GEMIN8: variants seen among roughly 807,000 people sequenced by gnomAD.
GEMIN8 encodes gem nuclear organelle associated protein 8.
For synonymous variants in GEMIN8, 80 were observed against 78.5 expected (o/e 1.02, Z -0.10); for missense variants, 185 against 205.9 (o/e 0.90, Z 0.62).
Position 14,017,078 on chromosome X carries a change from C to G in GEMIN8, c.472+3000G>C, listed in dbSNP as rs763370203. Among the ~76,000 whole-genome samples the G allele has an allele frequency of 4.8e-3, 524 of 108,891 alleles. 5 individuals are homozygous for G. Among genetic ancestry groups the G allele is most frequent in the Admixed American group, 7.0e-3 (70 of 9,997 alleles). 94.6% of individuals were successfully genotyped at this position (108,891 alleles called of 115,157 possible). Reference sequence around the variant, plus strand: ...CTCATATTATCTCATGGATTCTTCACAATTACTACCCATTAGGGATTCTTC... The same window carrying G: ...CTCATATTATCTCATGGATTCTTCAGAATTACTACCCATTAGGGATTCTTC... On this transcript the variant is annotated intron_variant, in intron 4 of 4. Transcript: ENST00000680255.
chrX:14,021,333 C>T (rs1924298459), intron 3 of GEMIN8, 131 bp downstream of exon 3: 1 of 405,585 alleles, frequency 2.5e-6, no homozygotes, highest in African/African-American at 2.7e-5. Context: ...CAACATGGCA[C>T]ATGTATACAT....
In GEMIN8 at chrX:14,014,382, A is replaced by T. The variant is rs1360584051; in HGVS notation, c.473-5213T>A. 9 of 750,871 alleles carry T rather than the reference A, an allele frequency of 1.2e-5. No homozygotes were observed. In the East Asian group the frequency reaches 1.2e-3, roughly 102 times the overall value. 61.9% of individuals were successfully genotyped at this position (750,871 alleles called of 1,213,427 possible). On this transcript the variant is annotated intron_variant, in intron 4 of 4. Transcript: ENST00000680255. ...CAGACTGGTCTTCTCTCTTCGTCGC[A>T]CATCCCTTGCCCCATGACAAATGTA...
the GEMIN8 span, among the ~76,000 whole-genome samples, chrX:13,988,423 G>A: frequency 1.8e-5 from 2 of 109,751 alleles, no homozygotes; most frequent in Non-Finnish European, 3.8e-5. Flanking sequence ...GAGGTGAATC[G>A]TATTTTCACC....
the GEMIN8 span, among the ~76,000 whole-genome samples, chrX:13,998,748 T>C: frequency 9.0e-6 from 1 of 111,505 alleles, no homozygotes; most frequent in Admixed American, 9.6e-5. Flanking sequence ...GCCACTGCAC[T>C]TGGCTTCTTA....
chrX:14,009,708 A>C (rs1415217818), intron 4 of GEMIN8, among the ~76,000 whole-genome samples: 1 of 112,004 alleles, frequency 8.9e-6, no homozygotes, highest in Non-Finnish European at 1.9e-5. Context: ...CCAGCTAGGA[A>C]TGGCTGATAG....
chrX:14,021,996 T>C (rs1280884071), intron 2 of GEMIN8, among the ~76,000 whole-genome samples: 4 of 99,997 alleles, frequency 4.0e-5, no homozygotes, highest in African/African-American at 7.3e-5. Flanking sequence ...AATGTATATA[T>C]ACACATATAT....
Position 14,012,221 on chromosome X carries a change from G to A in GEMIN8, c.473-3052C>T, listed in dbSNP as rs902513656. Reference sequence around the variant, plus strand: ...CAACCTCTGCCTCCTGGGCTCAAGCGATCCTCCCACCTTGGTTTCCTGAGT... The same window carrying A: ...CAACCTCTGCCTCCTGGGCTCAAGCAATCCTCCCACCTTGGTTTCCTGAGT... On this transcript the variant is annotated intron_variant, in intron 4 of 4. Coordinates refer to ENST00000680255, the MANE Select transcript of GEMIN8 (RefSeq NM_001042479.2). Among the ~76,000 whole-genome samples the A allele has an allele frequency of 8.4e-5, 9 of 107,360 alleles. No homozygotes were observed. The South Asian group carries it at 2.9e-3, about 35-fold the overall frequency. 93.2% of individuals were successfully genotyped at this position (107,360 alleles called of 115,157 possible). A position where few individuals can be genotyped will look rare whatever the true frequency, so the allele number is the denominator to read the frequency against.
the GEMIN8 span, among the ~76,000 whole-genome samples, chrX:13,994,229 G>T: frequency 8.9e-6 from 1 of 111,896 alleles, no homozygotes; most frequent in African/African-American, 3.3e-5. Flanking sequence ...CTGGCAGACG[G>T]ATCTCCATTC....
At chrX:14,003,416 C>G (rs1557727), downstream of GEMIN8, among the ~76,000 whole-genome samples, 32,296 of 111,633 alleles carry the variant, frequency 0.29, 3,413 homozygotes, top group South Asian at 0.32. Context: ...TGCAAAATGA[C>G]AATAATATTC....
At chrX:14,021,775 T>C (rs1267506984) in intron 2 of GEMIN8, among the ~76,000 whole-genome samples, 1 of 99,190 alleles carries the variant, frequency 1.0e-5, no homozygotes, top group Non-Finnish European at 2.0e-5. Context: ...GTAAAGTCTA[T>C]GAAAATGACC....
intron 4 of GEMIN8, among the ~76,000 whole-genome samples, chrX:14,019,771 C>T (rs1448524093): frequency 1.1e-5 from 1 of 88,081 alleles, no homozygotes; most frequent in Non-Finnish European, 2.4e-5. Context: ...TAGATCAGAG[C>T]ACGCACACAC....
chrX:14,008,043 G>A lies in GEMIN8; in HGVS notation c.*870C>T, dbSNP rs1923265626. Among the ~76,000 whole-genome samples the A allele has an allele frequency of 9.1e-6, 1 of 110,311 alleles. No homozygotes were observed. The highest frequency in any genetic ancestry group is 1.9e-5 in the Non-Finnish European group (1 of 52,820). On this transcript the variant is annotated 3_prime_UTR_variant, in exon 5 of 5. Transcript: ENST00000680255. ...TCTCTAGGTTGGAGTGCAGTGGCGCGATCTCAGCTCACTGCAACCTCTGCC... is the reference window on the plus strand; with the variant it reads ...TCTCTAGGTTGGAGTGCAGTGGCGCAATCTCAGCTCACTGCAACCTCTGCC...
the GEMIN8 span, among the ~76,000 whole-genome samples, chrX:13,999,614 C>A: frequency 9.0e-6 from 1 of 111,451 alleles, no homozygotes; most frequent in Non-Finnish European, 1.9e-5. Flanking sequence ...CACTAATATC[C>A]TTTTTCTGCT....
the GEMIN8 span, among the ~76,000 whole-genome samples, chrX:13,995,809 A>G: frequency 3.6e-5 from 4 of 111,707 alleles, no homozygotes; most frequent in Admixed American, 3.8e-4. Flanking sequence ...TGCTCTCTCC[A>G]TGGCAAGCTC....
At chrX:14,019,809 T>C (rs962997727) in intron 4 of GEMIN8, among the ~76,000 whole-genome samples, 10 of 110,439 alleles carry the variant, frequency 9.1e-5, no homozygotes, top group African/African-American at 3.3e-4. Context: ...CACACTCCAT[T>C]TGGTAGAGTG....
chrX:13,989,245 A>G, the GEMIN8 span, among the ~76,000 whole-genome samples: 1 of 109,887 alleles, frequency 9.1e-6, no homozygotes, highest in Admixed American at 9.7e-5. Flanking sequence ...CATGCCACCA[A>G]CCCTGGCTAA....
chrX:14,017,126 G>T (rs753751276), intron 4 of GEMIN8, among the ~76,000 whole-genome samples: 2 of 109,134 alleles, frequency 1.8e-5, no homozygotes, highest in South Asian at 7.9e-4. Context: ...CACTAATTAG[G>T]ATCCTATTTC....
In GEMIN8 at chrX:14,012,836, G is replaced by A. The variant is rs188690736; in HGVS notation, c.473-3667C>T. 4.9e-3 allele frequency among the ~76,000 whole-genome samples: 508 copies of A among 104,005 alleles called. 3 individuals carry two copies. Among genetic ancestry groups the A allele is most frequent in the Admixed American group, 7.2e-3 (70 of 9,762 alleles). The allele number at this position is 104,005 out of a possible 115,157, so 90.3% of individuals were successfully genotyped here. A position where few individuals can be genotyped will look rare whatever the true frequency, so the allele number is the denominator to read the frequency against. ...CTCCCTTCCCTGTGGGTTCCTCAGAGCCTCCCAGGCAGAGGGGCTATGGGG... is the reference window on the plus strand; with the variant it reads ...CTCCCTTCCCTGTGGGTTCCTCAGAACCTCCCAGGCAGAGGGGCTATGGGG... On this transcript the variant is annotated intron_variant, in intron 4 of 4. Transcript: ENST00000680255.
At chrX:14,025,535 G>C (rs1263238562) in intron 2 of GEMIN8, among the ~76,000 whole-genome samples, 1 of 111,426 alleles carries the variant, frequency 9.0e-6, no homozygotes, top group Non-Finnish European at 1.9e-5. Context: ...GGAATCAGTA[G>C]ACGAACTTCA....
Sources: allele counts gnomAD v4.1 joint callset (sites outside exome capture counted in the v4.1 genomes callset), GRCh38; gene constraint gnomAD v4.1.1; transcripts MANE v1.5; gene names NCBI Gene and HGNC (gene_info 2026-07-23, HGNC 2026-07-21).